The following CYSLTR2 variants were observed in gnomAD, a reference collection of about 807,000 sequenced individuals.
CYSLTR2 encodes the protein cysteinyl leukotriene receptor 2, also known as G-protein coupled receptor GPCR21.
For synonymous variants in CYSLTR2, 179 were observed against 160.8 expected (o/e 1.11, Z -0.86); for missense variants, 398 against 411.9 (o/e 0.97, Z 0.29).
At chr13:48,696,236 G>T (rs1297222402) in intron 3 of CYSLTR2, among the ~76,000 whole-genome samples, 1 of 152,092 alleles carries the variant, frequency 6.6e-6, no homozygotes, top group African/African-American at 2.4e-5. Context: ...TCTAATTGGA[G>T]TTTTTCATTT....
chr13:48,668,531 A>G (rs1441786186), intron 1 of CYSLTR2, among the ~76,000 whole-genome samples: 3 of 152,248 alleles, frequency 2.0e-5, no homozygotes, highest in East Asian at 1.9e-4. Context: ...ATGCATTACT[A>G]TATTTGCTTC....
chr13:48,697,988 A>G (rs1020080130), intron 4 of CYSLTR2, among the ~76,000 whole-genome samples: 1 of 152,186 alleles, frequency 6.6e-6, no homozygotes, highest in African/African-American at 2.4e-5. Flanking sequence ...AAAAGAAATG[A>G]AAAAAGCCTC....
chr13:48,689,177 T>C (rs1191979749), intron 1 of CYSLTR2, among the ~76,000 whole-genome samples: 2 of 152,220 alleles, frequency 1.3e-5, no homozygotes, highest in African/African-American at 4.8e-5. Flanking sequence ...GATGGATAAA[T>C]TGCAAAAATT....
At chr13:48,664,506 G>A (rs1012632875) in intron 1 of CYSLTR2, among the ~76,000 whole-genome samples, 1 of 151,844 alleles carries the variant, frequency 6.6e-6, no homozygotes, top group African/African-American at 2.4e-5. Context: ...CTTATTATAT[G>A]TTTTTGGCTT....
chr13:48,659,920 T>C (rs773908725), intron 1 of CYSLTR2, among the ~76,000 whole-genome samples: 4 of 152,220 alleles, frequency 2.6e-5, no homozygotes, highest in Non-Finnish European at 4.4e-5. Flanking sequence ...TCATGTGTTA[T>C]ATTAACCAAG....
chr13:48,670,206 A>T (rs1485081816), intron 1 of CYSLTR2, among the ~76,000 whole-genome samples: 1 of 152,020 alleles, frequency 6.6e-6, no homozygotes, highest in Non-Finnish European at 1.5e-5. Context: ...AATTGCAAAA[A>T]TTTTCTCCCA....
chr13:48,708,341 G>T lies in CYSLTR2; in HGVS notation c.*483G>T, dbSNP rs1214792736. 6.0e-6 allele frequency: 1 copy of T among 167,394 alleles called. No homozygotes were observed. Among genetic ancestry groups the T allele is most frequent in the East Asian group, 1.9e-4 (1 of 5,206 alleles). 10.4% of individuals were successfully genotyped at this position (167,394 alleles called of 1,614,324 possible). A position where few individuals can be genotyped will look rare whatever the true frequency, so the allele number is the denominator to read the frequency against. On this transcript the variant is annotated 3_prime_UTR_variant, in exon 5 of 5. Coordinates refer to ENST00000682523, the MANE Select transcript of CYSLTR2 (RefSeq NM_001308476.3). ...AAGACTAACTGTGAAAAGGAAGGCT[G>T]TCCTATAACAAAGCAGCATCAAGTC...
intron 1 of CYSLTR2, among the ~76,000 whole-genome samples, chr13:48,681,699 G>T (rs1953759883): frequency 6.6e-6 from 1 of 152,178 alleles, no homozygotes; most frequent in Non-Finnish European, 1.5e-5. Context: ...ATCTGTAACT[G>T]ACAGTGTCCC....
chr13:48,692,699 A>C (rs1033312976), intron 2 of CYSLTR2, among the ~76,000 whole-genome samples: 1 of 151,272 alleles, frequency 6.6e-6, no homozygotes, highest in African/African-American at 2.4e-5. Context: ...ATCTTTAATC[A>C]AAGTAATCAA....
Position 48,707,524 on chromosome 13 carries a change from C to T in CYSLTR2, c.707C>T (p.Ser236Leu), listed in dbSNP as rs61735175. The T allele has an allele frequency of 5.4e-3, 8,747 of 1,609,374 alleles. 399 individuals are homozygous for T. In the African/African-American group the frequency reaches 0.1, roughly 19 times the overall value. The part of the protein sequence containing the change: ...RVLLKVEVPE[S>L]GLRVSHRKAL... Reference sequence around the variant, plus strand: ...CTGTTAAAAGTGGAGGTCCCAGAATCGGGGCTGCGGGTTTCTCACAGGAAG... The same window carrying T: ...CTGTTAAAAGTGGAGGTCCCAGAATTGGGGCTGCGGGTTTCTCACAGGAAG... The change falls in exon 5 of 5, where the codon TCG (serine) becomes TTG (leucine). Residue 236 changes from serine to leucine, a missense_variant. Coordinates refer to ENST00000682523, the MANE Select transcript of CYSLTR2 (RefSeq NM_001308476.3).
Position 48,707,297 on chromosome 13 carries a change from G to T in CYSLTR2, c.480G>T (p.Gly160=). ...TSIRSAWILC[G]IIWILIMASS... is the part of the protein sequence containing the mutation. ...TCAGGAGTGCCTGGATCCTCTGTGGGATCATATGGATCCTTATCATGGCTT... is the reference window on the plus strand; with the variant it reads ...TCAGGAGTGCCTGGATCCTCTGTGGTATCATATGGATCCTTATCATGGCTT... The change falls in exon 5 of 5, where the codon GGG becomes GGT. Residue 160 remains glycine (G), a synonymous_variant. Transcript: ENST00000682523. 6.2e-7 allele frequency: 1 copy of T among 1,613,996 alleles called. No homozygotes were observed. Among genetic ancestry groups the T allele is most frequent in the Non-Finnish European group, 8.5e-7 (1 of 1,180,028 alleles).
chr13:48,673,931 A>G (rs1489864105), intron 1 of CYSLTR2, among the ~76,000 whole-genome samples: 2 of 152,122 alleles, frequency 1.3e-5, no homozygotes, highest in East Asian at 1.9e-4. Flanking sequence ...CTTTTCTTTA[A>G]GAATGTTGAA....
chr13:48,706,769 A>G, intron 4 of CYSLTR2, 48 bp from the exon 5 acceptor site: 1 of 1,450,256 alleles, frequency 6.9e-7, no homozygotes. Context: ...AGAAGGAAAA[A>G]GGGAAATTCA....
At chr13:48,688,118 G>A (rs1953942560) in intron 1 of CYSLTR2, among the ~76,000 whole-genome samples, 1 of 152,130 alleles carries the variant, frequency 6.6e-6, no homozygotes, top group South Asian at 2.1e-4. Context: ...GACCTCAGCA[G>A]ATGTATTTTT....
rs1490082869 is a variant in CYSLTR2, at chr13:48,708,036, G to A, written c.*178G>A. The A allele has an allele frequency of 1.1e-5, 6 of 528,312 alleles. No individual in the cohort carries two copies. The highest frequency in any genetic ancestry group is 1.6e-5 in the Non-Finnish European group (5 of 310,426). 32.7% of individuals were successfully genotyped at this position (528,312 alleles called of 1,614,324 possible). ...AATTTTATTCAGTGTATTTTCAGTT[G>A]TTGAGTCTTAATGAGGGATACAGGA... On this transcript the variant is annotated 3_prime_UTR_variant, in exon 5 of 5. Coordinates refer to ENST00000682523, the MANE Select transcript of CYSLTR2 (RefSeq NM_001308476.3).
chr13:48,654,371 G>A (rs1952952917), intron 1 of CYSLTR2, among the ~76,000 whole-genome samples: 1 of 149,702 alleles, frequency 6.7e-6, no homozygotes, highest in South Asian at 2.1e-4. Flanking sequence ...CCTACACTAT[G>A]GACAAGTTTG....
intron 4 of CYSLTR2, among the ~76,000 whole-genome samples, chr13:48,697,594 C>T (rs1356454361): frequency 6.6e-6 from 1 of 152,172 alleles, no homozygotes; most frequent in Non-Finnish European, 1.5e-5. Context: ...TTCTAAAAAT[C>T]AGAGCGCCTC....
rs762558848 is a variant in CYSLTR2, at chr13:48,707,297, G to A, written c.480G>A (p.Gly160=). 1.2e-6 allele frequency: 2 copies of A among 1,613,878 alleles called. No homozygotes were observed. Among genetic ancestry groups the A allele is most frequent in the East Asian group, 4.5e-5 (2 of 44,898 alleles). Residue 160 remains glycine (G), a synonymous_variant, in exon 5 of 5, where the codon GGG becomes GGA. Coordinates refer to ENST00000682523, the MANE Select transcript of CYSLTR2 (RefSeq NM_001308476.3). ...TCAGGAGTGCCTGGATCCTCTGTGG[G>A]ATCATATGGATCCTTATCATGGCTT... ...TSIRSAWILC[G]IIWILIMASS... is the part of the protein sequence containing the mutation.
chr13:48,669,813 G>A (rs1953373366), intron 1 of CYSLTR2, among the ~76,000 whole-genome samples: 1 of 152,150 alleles, frequency 6.6e-6, no homozygotes, highest in Admixed American at 6.6e-5. Context: ...TTGCTGGATT[G>A]AATGGTATTT....
Sources: gnomAD v4.1 joint callset for allele counts (sites outside exome capture counted in the v4.1 genomes callset) on GRCh38, gnomAD v4.1.1 for gene constraint, MANE v1.5 for transcripts, NCBI Gene and HGNC (gene_info 2026-07-23, HGNC 2026-07-21) for gene names.